CDH8: variants seen among roughly 807,000 people sequenced by gnomAD.
CDH8 encodes the protein cadherin 8, also known as cadherin-8.
Under a neutral mutation model 68.1 loss-of-function variants are expected in CDH8, and 17 were observed. The observed-to-expected ratio is 0.25, with a 90% CI of 0.17 to 0.37. The LOEUF is 0.37. Ranked by LOEUF, CDH8 falls within the 10% of genes least tolerant of loss-of-function variation. The pLI is 1.00. For synonymous variants in CDH8, 372 were observed against 365.1 expected (o/e 1.02, Z -0.21); for missense variants, 763 against 999.3 (o/e 0.76, Z 3.19).
Position 61,825,133 on chromosome 16 carries a change from C to T in CDH8, c.714G>A (p.Glu238=), listed in dbSNP as rs1039402148. The T allele has an allele frequency of 2.5e-6, 4 of 1,611,696 alleles. No individual in the cohort carries two copies. The highest frequency in any genetic ancestry group is 8.5e-7 in the Non-Finnish European group (1 of 1,178,578). The change falls in exon 5 of 12, where the codon GAG becomes GAA. Residue 238 remains glutamate, a synonymous_variant. Transcript: ENST00000577390. The part of the protein sequence containing the change: ...ALPNMDREAK[E]EYLVVIQAKD... Reference sequence around the variant, plus strand: ...TGGCTTGGATAACAACCAGGTACTCCTCCTTGGCTTCTCTGTCCATGTTGG... The same window carrying T: ...TGGCTTGGATAACAACCAGGTACTCTTCCTTGGCTTCTCTGTCCATGTTGG...
chr16:62,024,152 C>T (rs8049450), intron 1 of CDH8, among the ~76,000 whole-genome samples: 75,158 of 151,850 alleles, frequency 0.49, 19,684 homozygotes, highest in African/African-American at 0.67. Context: ...CTGGGTTCTA[C>T]AATAGCAGAA....
intron 2 of CDH8, among the ~76,000 whole-genome samples, chr16:61,961,308 T>C (rs1965150706): frequency 6.6e-6 from 1 of 151,178 alleles, no homozygotes; most frequent in South Asian, 2.1e-4. Context: ...GAGTGAGACA[T>C]AGTCTCAAAA....
intron 7 of CDH8, among the ~76,000 whole-genome samples, chr16:61,798,143 T>G (rs1961540369): frequency 6.6e-6 from 1 of 152,152 alleles, no homozygotes; most frequent in African/African-American, 2.4e-5. Context: ...GCCAGGAAAA[T>G]AATAGTGCAT....
chr16:61,780,338 G>A (rs1961017487), intron 8 of CDH8, among the ~76,000 whole-genome samples: 1 of 152,146 alleles, frequency 6.6e-6, no homozygotes, highest in African/African-American at 2.4e-5. Flanking sequence ...AGTTGATCAG[G>A]ATAACATGTT....
chr16:61,653,233 T>C lies in CDH8; in HGVS notation c.*375A>G, dbSNP rs1963364099. ...GCAGAAGACACATATCAGCAGCAGA[T>C]TCCTTGCAGGTCCGTATTTTTTTTT... On this transcript the variant is annotated 3_prime_UTR_variant, in exon 12 of 12. Transcript: ENST00000577390. 8.4e-7 allele frequency: 1 copy of C among 1,189,424 alleles called. No homozygotes were observed. The highest frequency in any genetic ancestry group is 1.0e-6 in the Non-Finnish European group (1 of 963,154). The allele number at this position is 1,189,424 out of a possible 1,614,324, so 73.7% of individuals were successfully genotyped here. A position where few individuals can be genotyped will look rare whatever the true frequency, so the allele number is the denominator to read the frequency against.
At chr16:62,012,597 A>AT (rs1371710596) in intron 2 of CDH8, among the ~76,000 whole-genome samples, 1 of 152,144 alleles carries the variant, frequency 6.6e-6, no homozygotes, top group Admixed American at 6.5e-5. Context: ...AAAATATATT[A>AT]TTTTTTCTCA....
At chr16:61,817,354 C>T in intron 7 of CDH8, 125 bp downstream of exon 7, 2 of 866,220 alleles carry the variant, frequency 2.3e-6, no homozygotes, top group Middle Eastern at 3.5e-4. Context: ...TATGTGCCAA[C>T]CAACATTATT....
intron 2 of CDH8, among the ~76,000 whole-genome samples, chr16:61,972,888 C>T (rs563052668): frequency 7.9e-4 from 120 of 152,270 alleles, no homozygotes; most frequent in Non-Finnish European, 1.5e-3. Flanking sequence ...ATAACCATTA[C>T]ATAGAGAAAA....
intron 8 of CDH8, among the ~76,000 whole-genome samples, chr16:61,729,995 G>GCACACACACA (rs35622399): frequency 0.02 from 2,920 of 148,934 alleles, 45 homozygotes; most frequent in Non-Finnish European, 0.03. Flanking sequence ...ACGTGTGCAT[G>GCACACACACA]CACACACACA....
chr16:61,813,856 A>G (rs1962011957), intron 7 of CDH8, among the ~76,000 whole-genome samples: 1 of 152,172 alleles, frequency 6.6e-6, no homozygotes, highest in Admixed American at 6.5e-5. Flanking sequence ...AGGTCCTGAT[A>G]TATACCAAGC....
chr16:61,987,042 G>A (rs1965641749), intron 2 of CDH8, among the ~76,000 whole-genome samples: 1 of 152,140 alleles, frequency 6.6e-6, no homozygotes, highest in African/African-American at 2.4e-5. Flanking sequence ...CTTCCAAATA[G>A]TTAACACAAA....
At chr16:61,940,794 A>ACAG (rs1472711335) in intron 2 of CDH8, 1 of 152,192 alleles carries the variant, frequency 6.6e-6, no homozygotes, top group East Asian at 1.9e-4. Context: ...GGCTGACTCA[A>ACAG]CAGCAGCGGC....
intron 4 of CDH8, 57 bp from the exon 5 acceptor site, chr16:61,825,236 G>C: frequency 7.1e-7 from 1 of 1,412,946 alleles, no homozygotes; most frequent in Non-Finnish European, 9.8e-7. Flanking sequence ...AAAAATGAAA[G>C]TGTTAATCTC....
At chr16:61,936,297 T>C (rs539519990) in intron 2 of CDH8, among the ~76,000 whole-genome samples, 12 of 152,176 alleles carry the variant, frequency 7.9e-5, no homozygotes, top group African/African-American at 2.4e-4. Flanking sequence ...AGGAGAAGCA[T>C]GAGTTATGGG....
At chr16:61,914,650 C>T (rs932560317) in intron 2 of CDH8, among the ~76,000 whole-genome samples, 1 of 151,548 alleles carries the variant, frequency 6.6e-6, no homozygotes, top group Non-Finnish European at 1.5e-5. Flanking sequence ...AATGATGCCA[C>T]CAACATGGCA....
intron 8 of CDH8, among the ~76,000 whole-genome samples, chr16:61,729,035 G>T (rs1047848149): frequency 2.0e-5 from 3 of 151,074 alleles, no homozygotes; most frequent in African/African-American, 7.3e-5. Context: ...CAGGTATATT[G>T]AATGTTTACT....
intron 2 of CDH8, among the ~76,000 whole-genome samples, chr16:61,970,347 C>A (rs1567550801): frequency 6.6e-6 from 1 of 151,828 alleles, no homozygotes; most frequent in South Asian, 2.1e-4. Context: ...GAAAATGAAG[C>A]AGAAAAATTT....
At chr16:62,022,027 ATTCTTTCTTTCTTTGTTT>A (rs1043924339) in intron 1 of CDH8, among the ~76,000 whole-genome samples, 2 of 151,502 alleles carry the variant, frequency 1.3e-5, no homozygotes, top group African/African-American at 2.4e-5. Context: ...TAGGCCTTTT[ATTCTTTCTTTCTTTGTTT>A]TTCTTTCTTT....
At chr16:61,930,575 T>C (rs920855926) in intron 2 of CDH8, among the ~76,000 whole-genome samples, 3 of 152,190 alleles carry the variant, frequency 2.0e-5, no homozygotes, top group Non-Finnish European at 2.9e-5. Flanking sequence ...CAACCCTGCA[T>C]TGACCTTTTG....
Sources: gnomAD v4.1 joint callset for allele counts (sites outside exome capture counted in the v4.1 genomes callset) on GRCh38, gnomAD v4.1.1 for gene constraint, MANE v1.5 for transcripts, NCBI Gene and HGNC (gene_info 2026-07-23, HGNC 2026-07-21) for gene names.